PDE1C: variants seen among roughly 807,000 people sequenced by gnomAD.
PDE1C encodes dual specificity calcium/calmodulin-dependent 3',5'-cyclic nucleotide phosphodiesterase 1C.
PDE1C carries 62 observed loss-of-function variants against 93.1 expected under a neutral mutation model. That is an observed-to-expected ratio of 0.67 (90% CI 0.54 to 0.82). The LOEUF is 0.82. Ranked by LOEUF, PDE1C falls within the 40% of genes least tolerant of loss-of-function variation. PDE1C has a pLI of 0.00. For missense variants in PDE1C, 742 were observed against 884.6 expected, an observed-to-expected ratio of 0.84 and a Z score of 2.04; for synonymous variants, 325 against 310.1, an observed-to-expected ratio of 1.05 and a Z score of -0.50.
chr7:31,638,070 A>T, the PDE1C span, among the ~76,000 whole-genome samples: 2 of 152,164 alleles, frequency 1.3e-5, no homozygotes, highest in Non-Finnish European at 2.9e-5. Flanking sequence ...GGCTCCCACC[A>T]AAGTGTGCAG....
intron 2 of PDE1C, among the ~76,000 whole-genome samples, chr7:31,924,862 C>T (rs1280490579): frequency 6.6e-6 from 1 of 152,216 alleles, no homozygotes; most frequent in African/African-American, 2.4e-5. Flanking sequence ...TTCAATGCTG[C>T]TTCATTTACA....
chr7:32,153,130 C>T (rs546532133), intron 3 of PDE1C, among the ~76,000 whole-genome samples: 1 of 152,316 alleles, frequency 6.6e-6, no homozygotes, highest in East Asian at 1.9e-4. Context: ...GCCCAGCAGG[C>T]TTTTGAAAGC....
intron 1 of PDE1C, among the ~76,000 whole-genome samples, chr7:32,068,157 C>A (rs531007448): frequency 6.6e-6 from 1 of 152,248 alleles, no homozygotes; most frequent in African/African-American, 2.4e-5. Context: ...GTATGAAAAT[C>A]CAATTATGGT....
intron 2 of PDE1C, among the ~76,000 whole-genome samples, chr7:31,933,888 A>G (rs1478581580): frequency 6.6e-6 from 1 of 152,200 alleles, no homozygotes; most frequent in African/African-American, 2.4e-5. Flanking sequence ...CAGAACCATG[A>G]GCCAATTAAA....
At chr7:31,678,677 AG>A in the PDE1C span, among the ~76,000 whole-genome samples, 2 of 152,186 alleles carry the variant, frequency 1.3e-5, no homozygotes, top group African/African-American at 4.8e-5. Flanking sequence ...CCTATTTCAT[AG>A]TTGAGATATG....
the PDE1C span, among the ~76,000 whole-genome samples, chr7:31,729,198 G>T: frequency 6.6e-6 from 1 of 152,204 alleles, no homozygotes; most frequent in East Asian, 1.9e-4. Context: ...AACAATAAAA[G>T]ATTTTCAGTA....
intron 2 of PDE1C, among the ~76,000 whole-genome samples, chr7:31,883,001 A>G (rs552546055): frequency 6.6e-6 from 1 of 152,362 alleles, no homozygotes; most frequent in African/African-American, 2.4e-5. Context: ...GATTTCAAAG[A>G]ATAAAGAAAC....
At chr7:31,620,939 C>A in the PDE1C span, among the ~76,000 whole-genome samples, 1 of 151,764 alleles carries the variant, frequency 6.6e-6, no homozygotes, top group Non-Finnish European at 1.5e-5. Flanking sequence ...AAAGCCAAGG[C>A]TCAAGAACTA....
In PDE1C at chr7:32,314,930, G is replaced by A. The variant is rs768059875; in HGVS notation, c.311-105391C>T. 8.0e-5 allele frequency among the ~76,000 whole-genome samples: 12 copies of A among 150,778 alleles called. 1 individual carries two copies. The highest frequency in any genetic ancestry group is 2.7e-4 in the African/African-American group (11 of 40,912). ...TCACCTCAAATTGGACAATAAATATGTTCCTTATCACCAGCAAACATGCAT... is the reference window on the plus strand; with the variant it reads ...TCACCTCAAATTGGACAATAAATATATTCCTTATCACCAGCAAACATGCAT... On this transcript the variant is annotated intron_variant, in intron 1 of 1. Transcript: ENST00000672256.
chr7:31,885,671 T>G (rs1461436470), intron 2 of PDE1C, among the ~76,000 whole-genome samples: 2 of 152,178 alleles, frequency 1.3e-5, no homozygotes, highest in African/African-American at 2.4e-5. Flanking sequence ...ATTTTGTAAT[T>G]TAAAAGGATG....
chr7:32,206,664 A>G (rs1250049719), intron 2 of PDE1C, among the ~76,000 whole-genome samples: 1 of 152,278 alleles, frequency 6.6e-6, no homozygotes, highest in South Asian at 2.1e-4. Flanking sequence ...GGTACTTTCC[A>G]TGCGGCACCC....
At position 32,390,930 on chromosome 7, in the gene PDE1C, A is replaced by G. The variant is rs186426898; in HGVS notation, c.310+36892T>C. Among the ~76,000 whole-genome samples, 3 of 152,312 alleles carry G rather than the reference A, an allele frequency of 2.0e-5. No homozygotes were observed. In the East Asian group the frequency reaches 5.8e-4, roughly 29 times the overall value. On this transcript the variant is annotated intron_variant, in intron 1 of 1. Transcript: ENST00000672256. ...GGCATTAAAATAATCATTCAAAATT[A>G]TCTCTTTAATAGGAAATAAGACAAT... is the stretch of plus-strand genomic sequence containing the variant.
intron 1 of PDE1C, among the ~76,000 whole-genome samples, chr7:32,057,412 T>C (rs1794266246): frequency 6.6e-6 from 1 of 152,230 alleles, no homozygotes. Context: ...CGTGCACTTG[T>C]GCACAACAGG....
At chr7:32,152,483 A>T (rs567532266) in intron 3 of PDE1C, among the ~76,000 whole-genome samples, 2 of 152,324 alleles carry the variant, frequency 1.3e-5, no homozygotes, top group African/African-American at 4.8e-5. Context: ...CAAAGCTGTG[A>T]CAAATGATCC....
At chr7:31,910,078 T>A (rs2128936047) in intron 2 of PDE1C, among the ~76,000 whole-genome samples, 1 of 152,324 alleles carries the variant, frequency 6.6e-6, no homozygotes, top group South Asian at 2.1e-4. Flanking sequence ...AGGGTATGTT[T>A]AATCACTATG....
At chr7:31,699,641 G>T in the PDE1C span, among the ~76,000 whole-genome samples, 9 of 147,790 alleles carry the variant, frequency 6.1e-5, no homozygotes, top group South Asian at 8.7e-4. Flanking sequence ...GATATTGGTG[G>T]TTTTTTTTTT....
chr7:31,863,354 C>T (rs1312073857), intron 7 of PDE1C, among the ~76,000 whole-genome samples: 7 of 152,072 alleles, frequency 4.6e-5, no homozygotes, highest in Admixed American at 3.9e-4. Context: ...AGGAGATGAT[C>T]ACATTATTTC....
chr7:31,926,893 C>A (rs1160402962), intron 2 of PDE1C, among the ~76,000 whole-genome samples: 1 of 146,812 alleles, frequency 6.8e-6, no homozygotes, highest in African/African-American at 2.7e-5. Flanking sequence ...AAGCTAGCTG[C>A]AGGAGTTTTT....
intron 17 of PDE1C, among the ~76,000 whole-genome samples, chr7:31,769,509 C>T (rs2128620797): frequency 6.6e-6 from 1 of 152,298 alleles, no homozygotes; most frequent in East Asian, 1.9e-4. Flanking sequence ...TGAAATATTG[C>T]TTTCCCACAA....
Sources: allele counts gnomAD v4.1 joint callset (sites outside exome capture counted in the v4.1 genomes callset), GRCh38; gene constraint gnomAD v4.1.1; transcripts MANE v1.5; gene names NCBI Gene and HGNC (gene_info 2026-07-23, HGNC 2026-07-21).